FBH1: variants seen among roughly 807,000 people sequenced by gnomAD.
FBH1 encodes DNA 3'-5' helicase 1.
In FBH1, 43 loss-of-function variants were observed where a neutral mutation model predicts 115.5. The observed-to-expected ratio is 0.37, with a 90% confidence interval of 0.29 to 0.48. The LOEUF is 0.48. Among genes scored for constraint, FBH1 ranks in the 20% least tolerant of loss-of-function variants. The pLI, the probability that FBH1 is intolerant of heterozygous loss-of-function variation, is 0.99. For synonymous variants in FBH1, 524 were observed against 507.8 expected (o/e 1.03, Z -0.43); for missense variants, 1,001 against 1,337.3 (o/e 0.75, Z 3.92).
Position 5,895,196 on chromosome 10 carries a change from C to T in FBH1, c.1+4850C>T. 6.2e-7 allele frequency: 1 copy of T among 1,610,332 alleles called. No homozygotes were observed. The highest frequency in any genetic ancestry group is 8.5e-7 in the Non-Finnish European group (1 of 1,177,546). On this transcript the variant is annotated intron_variant, in intron 1 of 20. Coordinates refer to ENST00000362091, the MANE Select transcript of FBH1 (RefSeq NM_178150.3). This position sits in a 1 kb window ranked among gnomAD's most constrained non-coding sequence, Gnocchi z 5.0. ...CACAGAGCACGCTGAAAGTAAGAGG[C>T]ATGTGGGAAACTGACCAGGGCGGTT...
chr10:5,907,925 A>G (rs987587008), intron 3 of FBH1, among the ~76,000 whole-genome samples: 4 of 152,228 alleles, frequency 2.6e-5, no homozygotes, highest in African/African-American at 9.6e-5. Context: ...TTTGTGGCCT[A>G]ACAGGTGATC....
intron 9 of FBH1, 187 bp from the exon 10 acceptor site, chr10:5,916,047 G>C (rs1336246766): frequency 6.6e-6 from 4 of 603,796 alleles, no homozygotes; most frequent in South Asian, 4.0e-5. Context: ...GTTGGTACAT[G>C]TGAGTCCTGA....
At chr10:5,905,567 G>T (rs368197672) in intron 2 of FBH1, among the ~76,000 whole-genome samples, 1 of 152,152 alleles carries the variant, frequency 6.6e-6, no homozygotes, top group Non-Finnish European at 1.5e-5. Flanking sequence ...AAAAGTTTTA[G>T]CACTGTCAAA....
At chr10:5,901,765 A>G (rs1010403688) in intron 1 of FBH1, among the ~76,000 whole-genome samples, 2 of 149,950 alleles carry the variant, frequency 1.3e-5, no homozygotes, top group African/African-American at 4.9e-5. Context: ...GGGTTTCACC[A>G]TGTTGCCAGG....
Position 5,925,149 on chromosome 10 carries a change from CA to C in FBH1, c.2597-216del, listed in dbSNP as rs1832564929. The C allele has an allele frequency of 5.5e-6, 3 of 546,210 alleles. No individual in the cohort carries two copies. In the South Asian group the frequency reaches 6.4e-5, roughly 12 times the overall value. The allele number at this position is 546,210 out of a possible 1,614,324, so 33.8% of individuals were successfully genotyped here. On this transcript the variant is annotated intron_variant, in intron 17 of 20. Transcript: ENST00000362091. The surrounding 1 kb of genome is among the most constrained non-coding windows in gnomAD (Gnocchi z 4.6). The stretch of plus-strand genomic sequence containing the variant: ...ATTCCGAGAGGCGTTAACTCTCCTG[CA>C]ACTAATTTTCGACTTTTCCCCTCGT...
rs142344520 is a variant in FBH1 at position 5,913,848 on chromosome 10, A to G, written c.1304+9A>G. 167 of 1,583,978 alleles carry G rather than the reference A, an allele frequency of 1.1e-4. 1 individual carries two copies. In the East Asian group the frequency reaches 2.7e-3, roughly 26 times the overall value. On this transcript the variant is annotated intron_variant, in intron 7 of 20. Coordinates refer to ENST00000362091, the MANE Select transcript of FBH1 (RefSeq NM_178150.3). This position sits in a 1 kb window ranked among gnomAD's most constrained non-coding sequence, Gnocchi z 4.4. The stretch of plus-strand genomic sequence containing the variant: ...CCATCTGTCTGGCCAGGGTATGTGT[A>G]TATGTGCGTCAGCGTGTGTTTTGTC...
At chr10:5,916,572 C>CGGGAAATGTTCGGGATCTG in intron 10 of FBH1, 116 bp downstream of exon 10, 1 of 843,374 alleles carries the variant, frequency 1.2e-6, no homozygotes, top group African/African-American at 2.2e-5. Context: ...GATGGGGAAA[C>CGGGAAATGTTCGGGATCTG]AGGGGAAGTG....
In FBH1 at chr10:5,910,011, G is replaced by A. The variant is rs781547378; in HGVS notation, c.1020+717G>A. Among the ~76,000 whole-genome samples, 5 of 152,180 alleles carry A rather than the reference G, an allele frequency of 3.3e-5. No individual in the cohort carries two copies. Among genetic ancestry groups the A allele is most frequent in the Non-Finnish European group, 7.3e-5 (5 of 68,028 alleles). On this transcript the variant is annotated intron_variant, in intron 5 of 20. Transcript: ENST00000362091. The surrounding 1 kb of genome is among the most constrained non-coding windows in gnomAD (Gnocchi z 4.8). ...TTAAGAATGGTAAAGGCTGGGCGTG[G>A]TGGCTCACGCCTGTTATCCCAGCAC...
chr10:5,912,285 A>G (rs1426033703), intron 6 of FBH1, among the ~76,000 whole-genome samples: 1 of 151,692 alleles, frequency 6.6e-6, no homozygotes, highest in Non-Finnish European at 1.5e-5. Flanking sequence ...AATTACTTGA[A>G]CCCAGGAGGC....
intron 1 of FBH1, among the ~76,000 whole-genome samples, chr10:5,893,284 C>T (rs957124820): frequency 6.6e-6 from 1 of 152,130 alleles, no homozygotes; most frequent in Non-Finnish European, 1.5e-5. Context: ...CCAGCCTGGA[C>T]CACAGACAGA....
intron 2 of FBH1, among the ~76,000 whole-genome samples, chr10:5,904,399 T>C (rs1364162217): frequency 6.6e-6 from 1 of 152,220 alleles, no homozygotes; most frequent in East Asian, 1.9e-4. Context: ...ATGAGGCAGT[T>C]TGAAACTTAC....
intron 1 of FBH1, among the ~76,000 whole-genome samples, chr10:5,899,301 TTTTGTTTTG>T (rs1843194690): frequency 6.6e-6 from 1 of 152,178 alleles, no homozygotes; most frequent in Admixed American, 6.5e-5. Flanking sequence ...CTTTGTGATT[TTTTGTTTTG>T]TTTGTTTTGT....
At chr10:5,922,732 T>C (rs561683394) in intron 15 of FBH1, among the ~76,000 whole-genome samples, 19 of 152,268 alleles carry the variant, frequency 1.2e-4, no homozygotes, top group African/African-American at 4.6e-4. Context: ...GTGTCTGTCT[T>C]CTATGTGGGG....
At position 5,921,506 on chromosome 10, in the gene FBH1, C is replaced by T. The variant is rs148008400; in HGVS notation, c.2259C>T (p.Asn753=). The part of the protein sequence containing the change: ...QVALLSRTNA[N]VFDEAVRVTE... ...CCTTGTTGTCCCGGACCAACGCCAACGTGTTTGATGAGGCCGTACGGGTGA... is the reference window on the plus strand; with the variant it reads ...CCTTGTTGTCCCGGACCAACGCCAATGTGTTTGATGAGGCCGTACGGGTGA... The change falls in exon 15 of 21, where the codon AAC becomes AAT. Residue 753 remains asparagine, a synonymous_variant. Coordinates refer to ENST00000362091, the MANE Select transcript of FBH1 (RefSeq NM_178150.3). This position sits in a 1 kb window ranked among gnomAD's most constrained non-coding sequence, Gnocchi z 6.4. 124 of 1,600,278 alleles carry T rather than the reference C, an allele frequency of 7.7e-5. No homozygotes were observed. Among genetic ancestry groups the T allele is most frequent in the Non-Finnish European group, 9.5e-5 (112 of 1,176,746 alleles).
rs544752768 is a variant in FBH1 at position 5,898,790 on chromosome 10, A to G, written c.2-4230A>G. ...TTTCAGGGACATGAACGTTGAGTAC[A>G]TGGCACAGACTATATGTCTGGCCCC... On this transcript the variant is annotated intron_variant, in intron 1 of 20. Transcript: ENST00000362091. 2.6e-5 allele frequency among the ~76,000 whole-genome samples: 4 copies of G among 152,310 alleles called. No individual in the cohort carries two copies. The South Asian group carries it at 6.2e-4, about 24-fold the overall frequency.
rs1442161755 is a variant in FBH1, at chr10:5,918,114, C to G, written c.1964-228C>G. ...CCTGTGTTGTTTTCTTATATTCCAA[C>G]AATTCATCCAAGGCGAAACATAATC... is the stretch of plus-strand genomic sequence containing the variant. On this transcript the variant is annotated intron_variant, in intron 12 of 20. Coordinates refer to ENST00000362091, the MANE Select transcript of FBH1 (RefSeq NM_178150.3). The surrounding 1 kb of genome is among the most constrained non-coding windows in gnomAD (Gnocchi z 4.0). Among the ~76,000 whole-genome samples, 1 of 152,210 alleles carries G rather than the reference C, an allele frequency of 6.6e-6. No individual in the cohort carries two copies. Among genetic ancestry groups the G allele is most frequent in the African/African-American group, 2.4e-5 (1 of 41,470 alleles).
chr10:5,892,051 G>C (rs1228898035), intron 1 of FBH1, among the ~76,000 whole-genome samples: 2 of 135,814 alleles, frequency 1.5e-5, no homozygotes, highest in African/African-American at 5.5e-5. Context: ...ATGTGAATCT[G>C]TCCCGCAGCT....
Position 5,923,560 on chromosome 10 carries a change from A to G in FBH1, c.2323-61A>G. 7.0e-7 allele frequency: 1 copy of G among 1,423,338 alleles called. No homozygotes were observed. Among genetic ancestry groups the G allele is most frequent in the Non-Finnish European group, 9.8e-7 (1 of 1,018,176 alleles). 88.2% of individuals were successfully genotyped at this position (1,423,338 alleles called of 1,614,324 possible). A position where few individuals can be genotyped will look rare whatever the true frequency, so the allele number is the denominator to read the frequency against. ...TTTATTTTGTTTTGTTAAAGCAACA[A>G]CAAACAAAACAAAACAAAAAACAAC... is the stretch of plus-strand genomic sequence containing the variant. On this transcript the variant is annotated intron_variant, in intron 15 of 20. Coordinates refer to ENST00000362091, the MANE Select transcript of FBH1 (RefSeq NM_178150.3). The surrounding 1 kb of genome is among the most constrained non-coding windows in gnomAD (Gnocchi z 5.7).
At chr10:5,927,359 A>G in intron 18 of FBH1, 76 bp from the exon 19 acceptor site, 1 of 1,090,834 alleles carries the variant, frequency 9.2e-7, no homozygotes, top group South Asian at 1.5e-5. Flanking sequence ...GCTAGTAAAC[A>G]TTTAGATGAG....
Sources: allele counts gnomAD v4.1 joint callset (sites outside exome capture counted in the v4.1 genomes callset), GRCh38; gene constraint gnomAD v4.1.1; non-coding constraint Gnocchi (gnomAD v3.1); transcripts MANE v1.5; gene names NCBI Gene and HGNC (gene_info 2026-07-23, HGNC 2026-07-21).